Variants in PDE7B observed in about 807,000 individuals in gnomAD.
PDE7B encodes 3',5'-cyclic-AMP phosphodiesterase 7B.
PDE7B carries 29 observed loss-of-function variants against 56.2 expected under a neutral mutation model. That is an observed-to-expected ratio of 0.52 (90% confidence interval 0.38 to 0.70). The LOEUF is 0.70. PDE7B is among the 30% of genes least tolerant of loss of function. The pLI, the probability that PDE7B is intolerant of heterozygous loss-of-function variation, is 0.00. For synonymous variants in PDE7B, 197 were observed against 196.9 expected (o/e 1.00, Z 0.00); for missense variants, 490 against 565.0 (o/e 0.87, Z 1.35).
chr6:136,182,577 G>T (rs1485535426), intron 11 of PDE7B, among the ~76,000 whole-genome samples: 1 of 152,164 alleles, frequency 6.6e-6, no homozygotes, highest in Non-Finnish European at 1.5e-5. Flanking sequence ...ACTCAATCAT[G>T]CCCAGCATGA....
intron 1 of PDE7B, among the ~76,000 whole-genome samples, chr6:135,855,807 C>A (rs1333440817): frequency 6.6e-6 from 1 of 152,148 alleles, no homozygotes; most frequent in Non-Finnish European, 1.5e-5. Flanking sequence ...AGGTTCATAG[C>A]TGTGATGGTC....
intron 1 of PDE7B, among the ~76,000 whole-genome samples, chr6:135,880,249 T>G (rs1404648199): frequency 6.6e-6 from 1 of 152,116 alleles, no homozygotes; most frequent in Non-Finnish European, 1.5e-5. Flanking sequence ...GGACTACAGA[T>G]AATCCACTAA....
At chr6:136,181,358 C>T in intron 11 of PDE7B, 35 bp downstream of exon 11, 7 of 1,277,440 alleles carry the variant, frequency 5.5e-6, no homozygotes, top group Non-Finnish European at 6.9e-6. Flanking sequence ...ATTTCATTGC[C>T]CTGTCTTCTT....
At chr6:136,055,347 A>T (rs1461563145) in intron 2 of PDE7B, among the ~76,000 whole-genome samples, 2 of 152,220 alleles carry the variant, frequency 1.3e-5, no homozygotes, top group Non-Finnish European at 2.9e-5. Flanking sequence ...AAACCTTGAA[A>T]GTATTCTTTA....
At chr6:135,948,557 A>G (rs893348396) in intron 2 of PDE7B, among the ~76,000 whole-genome samples, 7 of 151,998 alleles carry the variant, frequency 4.6e-5, no homozygotes, top group African/African-American at 1.7e-4. Context: ...CAAAGGTGGT[A>G]CACGACTTAA....
chr6:136,102,549 T>A (rs1038740833), intron 2 of PDE7B, among the ~76,000 whole-genome samples: 1 of 152,208 alleles, frequency 6.6e-6, no homozygotes, highest in African/African-American at 2.4e-5. Flanking sequence ...CCAAGTTGAC[T>A]CCTCAAGTTG....
At position 135,935,218 on chromosome 6, in the gene PDE7B, T is replaced by TATATATATATATA. The variant is rs1457746105; in HGVS notation, c.22-12246_22-12245insATATATATATATA. On this transcript the variant is annotated intron_variant, in intron 1 of 12. Coordinates refer to ENST00000308191, the MANE Select transcript of PDE7B (RefSeq NM_018945.4). ...TATATATATATATATATATATATATTTTCATGATTCTTGCTCTCCAGGAAA... is the reference window on the plus strand; with the variant it reads ...TATATATATATATATATATATATATTATATATATATATATTCATGATTCTTGCTCTCCAGGAAA... Among the ~76,000 whole-genome samples the TATATATATATATA allele has an allele frequency of 5.0e-3, 175 of 34,688 alleles. 24 individuals are homozygous for TATATATATATATA. The highest frequency in any genetic ancestry group is 0.04 in the East Asian group (41 of 1,022). The allele number at this position is 34,688 out of a possible 152,430, so 22.8% of individuals were successfully genotyped here.
intron 1 of PDE7B, among the ~76,000 whole-genome samples, chr6:135,934,830 TAA>T (rs869248085): frequency 1.2e-5 from 1 of 82,198 alleles, no homozygotes; most frequent in Non-Finnish European, 2.6e-5. Context: ...ATTTAATAAA[TAA>T]ATATATATAT....
At chr6:136,190,226 G>A (rs898618417) in intron 12 of PDE7B, among the ~76,000 whole-genome samples, 1 of 152,168 alleles carries the variant, frequency 6.6e-6, no homozygotes, top group African/African-American at 2.4e-5. Flanking sequence ...CTCATCTGCT[G>A]ACACCCTGTA....
At chr6:135,901,036 A>G (rs1240206096) in intron 1 of PDE7B, among the ~76,000 whole-genome samples, 1 of 152,210 alleles carries the variant, frequency 6.6e-6, no homozygotes, top group Non-Finnish European at 1.5e-5. Context: ...TTCCACTTAT[A>G]GAACTGCTAG....
intron 2 of PDE7B, among the ~76,000 whole-genome samples, chr6:136,046,962 A>G (rs920511756): frequency 3.3e-5 from 5 of 152,162 alleles, no homozygotes; most frequent in Admixed American, 2.0e-4. Context: ...TCTTCCACGT[A>G]TGCCTCTAGA....
At chr6:136,108,872 A>AGGCCGGGCGCGGTGGCTCACGCTTGT in intron 3 of PDE7B, 58 bp downstream of exon 3, 1 of 1,103,462 alleles carries the variant, frequency 9.1e-7, no homozygotes, top group Non-Finnish European at 1.4e-6. Flanking sequence ...AGAAAAAAAA[A>AGGCCGGGCGCGGTGGCTCACGCTTGT]AATCCTCATT....
intron 2 of PDE7B, among the ~76,000 whole-genome samples, chr6:136,056,014 A>G (rs777304603): frequency 6.6e-6 from 1 of 152,222 alleles, no homozygotes; most frequent in Non-Finnish European, 1.5e-5. Flanking sequence ...TAAAAGAACA[A>G]TGGAGTTCAG....
At chr6:136,031,541 C>T (rs1316907354) in intron 2 of PDE7B, among the ~76,000 whole-genome samples, 1 of 151,876 alleles carries the variant, frequency 6.6e-6, no homozygotes, top group African/African-American at 2.4e-5. Flanking sequence ...AGATCGAGAC[C>T]ATCCCGGCTA....
At position 136,195,428 on chromosome 6, in the gene PDE7B, G is replaced by A. The variant is rs933815822; in HGVS notation, c.*3588G>A. On this transcript the variant is annotated 3_prime_UTR_variant, in exon 13 of 13. Transcript: ENST00000308191. ...CTTTTAAACAAATCCTTTAAACTGT[G>A]TCATTTTGTATACACATGTGAGGTT... 1 of 114,724 alleles carries A rather than the reference G, an allele frequency of 8.7e-6. No homozygotes were observed. The highest frequency in any genetic ancestry group is 3.4e-5 in the African/African-American group (1 of 29,136). 7.1% of individuals were successfully genotyped at this position (114,724 alleles called of 1,614,324 possible).
chr6:136,009,936 C>T (rs1025146495), intron 2 of PDE7B, among the ~76,000 whole-genome samples: 16 of 152,102 alleles, frequency 1.1e-4, no homozygotes, highest in African/African-American at 2.4e-4. Context: ...GTTTTTCATT[C>T]CTTGACTACT....
intron 2 of PDE7B, among the ~76,000 whole-genome samples, chr6:136,008,773 A>T (rs1451711761): frequency 6.6e-6 from 1 of 152,014 alleles, no homozygotes; most frequent in East Asian, 1.9e-4. Flanking sequence ...ATTTTCTCCC[A>T]TTCTGTAGGT....
chr6:135,926,124 T>A lies in PDE7B; in HGVS notation c.22-21340T>A, dbSNP rs544831206. Among the ~76,000 whole-genome samples, 238 of 133,640 alleles carry A rather than the reference T, an allele frequency of 1.8e-3. 2 individuals are homozygous for A. The highest frequency in any genetic ancestry group is 6.3e-3 in the African/African-American group (227 of 36,302). 87.7% of individuals were successfully genotyped at this position (133,640 alleles called of 152,430 possible). A position where few individuals can be genotyped will look rare whatever the true frequency, so the allele number is the denominator to read the frequency against. On this transcript the variant is annotated intron_variant, in intron 1 of 12. Coordinates refer to ENST00000308191, the MANE Select transcript of PDE7B (RefSeq NM_018945.4). Reference sequence around the variant, plus strand: ...GGAGGGGGGATGGAGTTTCACTCTGTCGCCCAGGCTGCAGTGCAGTGGCGC... The same window carrying A: ...GGAGGGGGGATGGAGTTTCACTCTGACGCCCAGGCTGCAGTGCAGTGGCGC...
At chr6:136,014,582 C>A (rs4530876) in intron 2 of PDE7B, among the ~76,000 whole-genome samples, 31,527 of 152,004 alleles carry the variant, frequency 0.21, 4,164 homozygotes, top group Non-Finnish European at 0.29. Flanking sequence ...GTTCTCTATT[C>A]ATTAGTTTTA....
Sources: allele counts gnomAD v4.1 joint callset (sites outside exome capture counted in the v4.1 genomes callset), GRCh38; gene constraint gnomAD v4.1.1; transcripts MANE v1.5; gene names NCBI Gene and HGNC (gene_info 2026-07-23, HGNC 2026-07-21).